The following BLOC1S5 variants were observed in gnomAD, a reference collection of about 807,000 sequenced individuals.
BLOC1S5 encodes the protein biogenesis of lysosomal organelles complex 1 subunit 5.
A neutral mutation model predicts 24.3 loss-of-function variants in BLOC1S5; 27 were observed. That is an observed-to-expected ratio of 1.11 (90% CI 0.82 to 1.53). The LOEUF (loss-of-function observed/expected upper bound fraction) is 1.53. Ranked by LOEUF, BLOC1S5 falls within the 40% of genes most tolerant of loss-of-function variation. BLOC1S5 has a pLI of 0.00. For missense variants in BLOC1S5, 239 were observed against 229.4 expected, an observed-to-expected ratio of 1.04 and a Z score of -0.27; for synonymous variants, 84 against 74.5, an observed-to-expected ratio of 1.13 and a Z score of -0.66.
At chr6:8,052,991 A>G (rs918935912) in intron 2 of BLOC1S5, among the ~76,000 whole-genome samples, 1 of 152,108 alleles carries the variant, frequency 6.6e-6, no homozygotes, top group South Asian at 2.1e-4. Context: ...CTTATGGATG[A>G]GCAAAGAATG....
At chr6:8,052,965 A>G (rs559041434) in intron 2 of BLOC1S5, among the ~76,000 whole-genome samples, 2 of 152,280 alleles carry the variant, frequency 1.3e-5, no homozygotes, top group Non-Finnish European at 2.9e-5. Context: ...ATACTTGAAC[A>G]GATGAGGATC....
chr6:8,061,959 AG>A (rs1199258761), intron 2 of BLOC1S5, among the ~76,000 whole-genome samples: 3 of 152,246 alleles, frequency 2.0e-5, no homozygotes, highest in Non-Finnish European at 4.4e-5. Context: ...ATAGTATCAA[AG>A]GTTTTAAAAA....
At chr6:8,048,994 A>G (rs1350978460) in intron 2 of BLOC1S5, among the ~76,000 whole-genome samples, 1 of 141,360 alleles carries the variant, frequency 7.1e-6, no homozygotes, top group African/African-American at 2.5e-5. Flanking sequence ...AGCCTAGGTG[A>G]AAGAGACTCC....
chr6:8,032,732 C>T (rs6900381), intron 3 of BLOC1S5, among the ~76,000 whole-genome samples: 5,938 of 152,172 alleles, frequency 0.039, 367 homozygotes, highest in African/African-American at 0.13. Flanking sequence ...AAAACCCCAT[C>T]GTCTCAGCCC....
At chr6:8,047,808 A>T (rs1205408750) in intron 2 of BLOC1S5, among the ~76,000 whole-genome samples, 2 of 152,186 alleles carry the variant, frequency 1.3e-5, no homozygotes, top group African/African-American at 4.8e-5. Context: ...AATTTTTCAG[A>T]CATGGGTTGT....
At chr6:8,044,679 T>C (rs1297825139) in intron 2 of BLOC1S5, among the ~76,000 whole-genome samples, 1 of 152,198 alleles carries the variant, frequency 6.6e-6, no homozygotes, top group Admixed American at 6.6e-5. Flanking sequence ...ATGAGGAACT[T>C]GTTGGGAACT....
chr6:8,019,608 G>GA (rs776230390), intron 4 of BLOC1S5, among the ~76,000 whole-genome samples: 1 of 5,160 alleles, frequency 1.9e-4, no homozygotes, highest in Non-Finnish European at 3.9e-4. Context: ...AAAGAAAAAA[G>GA]GGGGGGGGGG....
At chr6:8,033,435 C>G (rs1475879755) in intron 3 of BLOC1S5, among the ~76,000 whole-genome samples, 1 of 152,134 alleles carries the variant, frequency 6.6e-6, no homozygotes, top group Non-Finnish European at 1.5e-5. Context: ...ATGTAGGAAG[C>G]TGAAACTGGA....
At chr6:8,044,283 C>CGAA (rs1692109271) in intron 2 of BLOC1S5, among the ~76,000 whole-genome samples, 1 of 89,000 alleles carries the variant, frequency 1.1e-5, no homozygotes, top group Admixed American at 1.4e-4. Flanking sequence ...GACTCTGTCT[C>CGAA]AAAAAAAAAA....
At chr6:8,064,018 G>T (rs2743988) in intron 1 of BLOC1S5, among the ~76,000 whole-genome samples, 42,176 of 152,136 alleles carry the variant, frequency 0.28, 6,236 homozygotes, top group East Asian at 0.58. Flanking sequence ...CGGAATGGAC[G>T]GGGGCGGGCC....
rs1757305013 is a variant in BLOC1S5 at position 8,062,625 on chromosome 6, A to C, written c.113-9T>G. On this transcript the variant is annotated splice_polypyrimidine_tract_variant and intron_variant, in intron 1 of 4. Transcript: ENST00000397457. ...ATGAATTTCTCCAAGATCTATAAAGATAAAATGAAATTCAGGGTTAATCCA... is the reference window on the plus strand; with the variant it reads ...ATGAATTTCTCCAAGATCTATAAAGCTAAAATGAAATTCAGGGTTAATCCA... 6 of 1,559,828 alleles carry C rather than the reference A, an allele frequency of 3.8e-6. No homozygotes were observed. Among genetic ancestry groups the C allele is most frequent in the South Asian group, 1.1e-5 (1 of 87,362 alleles).
At chr6:8,060,999 AT>A (rs1764491738) in intron 2 of BLOC1S5, among the ~76,000 whole-genome samples, 1 of 151,904 alleles carries the variant, frequency 6.6e-6, no homozygotes, top group African/African-American at 2.4e-5. Flanking sequence ...TAATTTTTGT[AT>A]TTTTTTAAGT....
chr6:8,037,682 G>C (rs896603111), intron 3 of BLOC1S5, among the ~76,000 whole-genome samples: 1 of 152,072 alleles, frequency 6.6e-6, no homozygotes, highest in African/African-American at 2.4e-5. Flanking sequence ...TGAGCAAAAA[G>C]AACAAAGCTG....
chr6:8,056,226 A>C (rs545528655), intron 2 of BLOC1S5, among the ~76,000 whole-genome samples: 2 of 152,310 alleles, frequency 1.3e-5, no homozygotes, highest in Non-Finnish European at 2.9e-5. Context: ...CACGCAACAG[A>C]CTAAAACACC....
intron 2 of BLOC1S5, among the ~76,000 whole-genome samples, chr6:8,058,031 G>A (rs948190449): frequency 2.6e-5 from 4 of 152,052 alleles, no homozygotes; most frequent in African/African-American, 9.7e-5. Context: ...ACTTCACGGA[G>A]GTAGGAATTG....
chr6:8,022,580 TTTTTTTTTTTTC>T (rs1435061187), intron 4 of BLOC1S5, among the ~76,000 whole-genome samples: 1 of 74,950 alleles, frequency 1.3e-5, no homozygotes, highest in Non-Finnish European at 2.6e-5. Flanking sequence ...TTTTTTTTTC[TTTTTTTTTTTTC>T]TTTTTTTTTT....
intron 2 of BLOC1S5, among the ~76,000 whole-genome samples, chr6:8,044,149 T>C (rs1470219020): frequency 6.6e-6 from 1 of 152,008 alleles, no homozygotes; most frequent in East Asian, 1.9e-4. Context: ...CCAGGCGTGG[T>C]GGTGCATGCC....
intron 3 of BLOC1S5, among the ~76,000 whole-genome samples, chr6:8,040,856 CAA>C (rs574721309): frequency 1.5e-4 from 20 of 130,206 alleles, no homozygotes; most frequent in African/African-American, 3.1e-4. Flanking sequence ...ACTGTGCCTC[CAA>C]AAAAAAAAAA....
chr6:8,050,592 G>C (rs12525698), intron 2 of BLOC1S5, among the ~76,000 whole-genome samples: 23,619 of 144,118 alleles, frequency 0.16, 1,923 homozygotes, highest in Admixed American at 0.2. Context: ...GATGAGAATG[G>C]AAAAGAAACT....
Sources: gnomAD v4.1 joint callset for allele counts (sites outside exome capture counted in the v4.1 genomes callset) on GRCh38, gnomAD v4.1.1 for gene constraint, MANE v1.5 for transcripts, NCBI Gene and HGNC (gene_info 2026-07-23, HGNC 2026-07-21) for gene names.